Variants in SGCZ observed in about 807,000 individuals in gnomAD.
SGCZ encodes the protein sarcoglycan zeta.
A neutral mutation model predicts 41.3 loss-of-function variants in SGCZ; 40 were observed. The observed-to-expected ratio is 0.97, with a 90% CI of 0.75 to 1.26. SGCZ has a LOEUF of 1.26. SGCZ is among the 50% of genes most tolerant of loss of function. The pLI, the probability that SGCZ is intolerant of heterozygous loss-of-function variation, is 0.00. For missense variants in SGCZ, 552 were observed against 369.8 expected, an observed-to-expected ratio of 1.49 and a Z score of -4.04; for synonymous variants, 206 against 137.5, an observed-to-expected ratio of 1.50 and a Z score of -3.49.
rs529936188 is a variant in SGCZ, at chr8:14,212,073, T to C, written c.424+25519A>G. 6.6e-5 allele frequency among the ~76,000 whole-genome samples: 10 copies of C among 152,248 alleles called. No homozygotes were observed. In the South Asian group the frequency reaches 2.1e-3, roughly 32 times the overall value. ...TATGATTTTGAGTTCTCTCTTCTTC[T>C]TGATAGTCAAGAGTCCTCGATCTTG... is the stretch of plus-strand genomic sequence containing the variant. On this transcript the variant is annotated intron_variant, in intron 4 of 7. Transcript: ENST00000382080.
chr8:14,803,355 A>G (rs150456118), intron 1 of SGCZ, among the ~76,000 whole-genome samples: 11,770 of 152,064 alleles, frequency 0.077, 1,416 homozygotes, highest in African/African-American at 0.25. Flanking sequence ...CAGTGGGCGC[A>G]GGTCAGTGGG....
chr8:14,839,557 T>C (rs969785059), intron 1 of SGCZ, among the ~76,000 whole-genome samples: 1 of 152,206 alleles, frequency 6.6e-6, no homozygotes, highest in Non-Finnish European at 1.5e-5. Flanking sequence ...AAGTTTCTTT[T>C]ATTCATCTAC....
At chr8:14,623,078 G>C (rs538138301) in intron 1 of SGCZ, among the ~76,000 whole-genome samples, 1 of 152,220 alleles carries the variant, frequency 6.6e-6, no homozygotes, top group African/African-American at 2.4e-5. Flanking sequence ...CCACCCTCAT[G>C]GGTCTAATTA....
intron 1 of SGCZ, among the ~76,000 whole-genome samples, chr8:15,068,007 G>T (rs1173281711): frequency 2.0e-5 from 3 of 152,138 alleles, no homozygotes; most frequent in Admixed American, 1.3e-4. Context: ...CCATGCAAAA[G>T]GCCATGGTAC....
chr8:14,513,470 T>A (rs1016954820), intron 2 of SGCZ, among the ~76,000 whole-genome samples: 3 of 100,602 alleles, frequency 3.0e-5, no homozygotes, highest in Non-Finnish European at 6.4e-5. Flanking sequence ...TTTTTATACT[T>A]CAGGTTATTT....
chr8:14,351,546 C>T (rs1408592056), intron 2 of SGCZ, among the ~76,000 whole-genome samples: 1 of 150,954 alleles, frequency 6.6e-6, no homozygotes, highest in African/African-American at 2.4e-5. Context: ...TATAAATTAT[C>T]ATATAATTTA....
At chr8:15,187,796 T>G (rs1297091554) in intron 1 of SGCZ, among the ~76,000 whole-genome samples, 1 of 151,994 alleles carries the variant, frequency 6.6e-6, no homozygotes, top group Admixed American at 6.5e-5. Flanking sequence ...TATAAAGGAT[T>G]TTTTTTCCAA....
chr8:14,125,677 C>G (rs1391253253), intron 5 of SGCZ, among the ~76,000 whole-genome samples: 2 of 152,082 alleles, frequency 1.3e-5, no homozygotes, highest in African/African-American at 4.8e-5. Flanking sequence ...CCAAGACAAT[C>G]CTAAGCAAAA....
intron 1 of SGCZ, among the ~76,000 whole-genome samples, chr8:14,926,041 A>G (rs993330540): frequency 6.6e-6 from 1 of 152,212 alleles, no homozygotes; most frequent in Non-Finnish European, 1.5e-5. Context: ...TATGTGAAGA[A>G]TGTAAATGAA....
chr8:14,756,626 G>T (rs1030072264), intron 1 of SGCZ, among the ~76,000 whole-genome samples: 2 of 152,170 alleles, frequency 1.3e-5, no homozygotes, highest in Admixed American at 6.5e-5. Flanking sequence ...CATAACAGGC[G>T]TGCTTCTAAT....
chr8:15,074,902 G>T (rs149761853), intron 1 of SGCZ, among the ~76,000 whole-genome samples: 1 of 152,128 alleles, frequency 6.6e-6, no homozygotes, highest in Non-Finnish European at 1.5e-5. Flanking sequence ...GAGTACCTGT[G>T]TATCTCTGTA....
At chr8:14,214,658 A>T (rs1805931181) in intron 4 of SGCZ, among the ~76,000 whole-genome samples, 1 of 152,080 alleles carries the variant, frequency 6.6e-6, no homozygotes. Context: ...CAATATAGGT[A>T]TATTGAAAGT....
chr8:14,915,506 G>A (rs1799407278), intron 1 of SGCZ, among the ~76,000 whole-genome samples: 1 of 152,098 alleles, frequency 6.6e-6, no homozygotes, highest in Non-Finnish European at 1.5e-5. Context: ...AAGGAACCAG[G>A]GCCTAGACAT....
chr8:14,375,913 A>G (rs1804104298), intron 2 of SGCZ, among the ~76,000 whole-genome samples: 1 of 152,262 alleles, frequency 6.6e-6, no homozygotes, highest in South Asian at 2.1e-4. Context: ...TTAAATTATC[A>G]TATCAAAATG....
At chr8:14,609,938 A>G (rs906533918) in intron 1 of SGCZ, among the ~76,000 whole-genome samples, 2 of 152,242 alleles carry the variant, frequency 1.3e-5, no homozygotes, top group African/African-American at 4.8e-5. Context: ...GTCAGTAAAT[A>G]AGCTCAAATT....
chr8:15,216,986 T>C (rs1801424620), intron 1 of SGCZ, among the ~76,000 whole-genome samples: 1 of 152,124 alleles, frequency 6.6e-6, no homozygotes, highest in South Asian at 2.1e-4. Context: ...AGACAATCTT[T>C]CAGGGGAATG....
intron 1 of SGCZ, among the ~76,000 whole-genome samples, chr8:15,188,886 GA>G (rs1388864908): frequency 6.6e-6 from 1 of 151,622 alleles, no homozygotes; most frequent in Non-Finnish European, 1.5e-5. Flanking sequence ...AGTGTGGGAG[GA>G]AAAAAAGAAG....
chr8:14,091,815 C>A (rs1185930106), intron 7 of SGCZ, among the ~76,000 whole-genome samples: 2 of 152,152 alleles, frequency 1.3e-5, no homozygotes, highest in Non-Finnish European at 2.9e-5. Flanking sequence ...TTTTGCTGGG[C>A]AGAAGCACTT....
intron 1 of SGCZ, among the ~76,000 whole-genome samples, chr8:14,855,336 C>T (rs972603534): frequency 2.0e-5 from 3 of 152,168 alleles, no homozygotes; most frequent in African/African-American, 7.2e-5. Context: ...AGGCGTGAGC[C>T]ACTGTCCCCA....
Sources: allele counts gnomAD v4.1 joint callset (sites outside exome capture counted in the v4.1 genomes callset), GRCh38; gene constraint gnomAD v4.1.1; transcripts MANE v1.5; gene names NCBI Gene and HGNC (gene_info 2026-07-23, HGNC 2026-07-21).